The following PRKG1 variants were observed in gnomAD, a reference collection of about 807,000 sequenced individuals.
The protein encoded by PRKG1 is cGMP-dependent protein kinase 1.
Under a neutral mutation model 88.1 loss-of-function variants are expected in PRKG1, and 35 were observed. That is an observed-to-expected ratio of 0.40 (90% CI 0.30 to 0.53). PRKG1 has a LOEUF of 0.53. PRKG1 is among the 20% of genes least tolerant of loss of function. The pLI is 0.59. For missense variants in PRKG1, 540 were observed against 839.8 expected (o/e 0.64, Z 4.41); for synonymous variants, 303 against 292.5 (o/e 1.04, Z -0.37).
chr10:52,228,993 T>C lies in PRKG1; in HGVS notation c.1077-22577T>C, dbSNP rs967941828. On this transcript the variant is annotated intron_variant, in intron 9 of 17. Transcript: ENST00000373980. ...ATATCCTCAAGTTATATTAATTGCA[T>C]ATTAACAGCATAGCTAATAAACTCA... Among the ~76,000 whole-genome samples the C allele has an allele frequency of 2.6e-5, 4 of 152,218 alleles. No individual in the cohort carries two copies. In the East Asian group the frequency reaches 7.7e-4, roughly 29 times the overall value.
chr10:52,086,709 C>T (rs544375799), intron 7 of PRKG1, among the ~76,000 whole-genome samples: 26 of 152,008 alleles, frequency 1.7e-4, no homozygotes, highest in Middle Eastern at 3.4e-3. Flanking sequence ...GTTTATGTAC[C>T]CTAATTCCCT....
At chr10:51,472,551 T>TG (rs1840075374) in intron 3 of PRKG1, among the ~76,000 whole-genome samples, 1 of 152,094 alleles carries the variant, frequency 6.6e-6, no homozygotes, top group East Asian at 1.9e-4. Context: ...GAGTCATTGA[T>TG]GAAGTTCTTA....
intron 5 of PRKG1, among the ~76,000 whole-genome samples, chr10:52,040,128 G>A (rs541989913): frequency 1.8e-4 from 27 of 152,256 alleles, no homozygotes; most frequent in Middle Eastern, 3.4e-3. Flanking sequence ...CAAAGAGAAA[G>A]GTTAAGTGTT....
chr10:51,126,475 A>G (rs117015926), intron 1 of PRKG1, among the ~76,000 whole-genome samples: 1,921 of 142,756 alleles, frequency 0.013, 16 homozygotes, highest in Middle Eastern at 0.034. Flanking sequence ...TTATAATTAT[A>G]TAATCTATTT....
intron 1 of PRKG1, among the ~76,000 whole-genome samples, chr10:51,084,147 G>A (rs915944557): frequency 1.3e-5 from 2 of 152,144 alleles, no homozygotes; most frequent in African/African-American, 4.8e-5. Flanking sequence ...CATTAATTAT[G>A]CAGGGAAGTT....
intron 3 of PRKG1, chr10:51,695,532 T>C (rs185169340): frequency 2.0e-5 from 3 of 152,340 alleles, no homozygotes; most frequent in Non-Finnish European, 4.4e-5. Context: ...AATGCAGAGA[T>C]TTGACTAAAG....
At chr10:51,351,418 C>G (rs1202828818) in intron 2 of PRKG1, among the ~76,000 whole-genome samples, 1 of 152,150 alleles carries the variant, frequency 6.6e-6, no homozygotes, top group Non-Finnish European at 1.5e-5. Flanking sequence ...TCTCCAGCAT[C>G]TGTTGTTTCC....
At chr10:51,257,751 GA>G (rs759979003) in intron 2 of PRKG1, among the ~76,000 whole-genome samples, 12 of 152,168 alleles carry the variant, frequency 7.9e-5, no homozygotes, top group Middle Eastern at 3.4e-3. Context: ...GGAAAAACTT[GA>G]AACATTCCAC....
intron 3 of PRKG1, among the ~76,000 whole-genome samples, chr10:51,544,970 C>T (rs1188217607): frequency 6.6e-6 from 1 of 151,870 alleles, no homozygotes; most frequent in Non-Finnish European, 1.5e-5. Flanking sequence ...AAATGCAAAT[C>T]AAAACCACAA....
chr10:51,560,858 C>T (rs776567923), intron 3 of PRKG1, among the ~76,000 whole-genome samples: 1 of 151,858 alleles, frequency 6.6e-6, no homozygotes, highest in Non-Finnish European at 1.5e-5. Flanking sequence ...TTTGTATATG[C>T]TATTGTGTTA....
chr10:52,141,638 G>A (rs559260394), intron 8 of PRKG1, among the ~76,000 whole-genome samples: 2 of 152,092 alleles, frequency 1.3e-5, no homozygotes, highest in Non-Finnish European at 2.9e-5. Context: ...ACTTACAAAG[G>A]TTCTCTTTAG....
chr10:52,059,839 CAT>C (rs1317422137), intron 6 of PRKG1, among the ~76,000 whole-genome samples: 9 of 151,816 alleles, frequency 5.9e-5, no homozygotes, highest in African/African-American at 2.2e-4. Context: ...AATACTGTAA[CAT>C]GTAACTAAAA....
At position 52,168,419 on chromosome 10, in the gene PRKG1, G is replaced by A. The variant is rs185561995; in HGVS notation, c.1076+6456G>A. Among the ~76,000 whole-genome samples the A allele has an allele frequency of 1.2e-3, 180 of 152,226 alleles. 1 individual carries two copies. The highest frequency in any genetic ancestry group is 8.5e-4 in the Non-Finnish European group (58 of 67,996). ...TGGGAAGCAACATTATATAGTCAAGGAATTAAAGTAGCAATATGCCTGAGA... is the reference window on the plus strand; with the variant it reads ...TGGGAAGCAACATTATATAGTCAAGAAATTAAAGTAGCAATATGCCTGAGA... On this transcript the variant is annotated intron_variant, in intron 9 of 17. Transcript: ENST00000373980.
At chr10:51,209,581 G>A (rs991730732) in intron 2 of PRKG1, among the ~76,000 whole-genome samples, 1 of 152,028 alleles carries the variant, frequency 6.6e-6, no homozygotes, top group African/African-American at 2.4e-5. Context: ...ACTATTTTTA[G>A]TACTTGAAAA....
At chr10:51,765,438 C>G (rs969389016) in intron 3 of PRKG1, among the ~76,000 whole-genome samples, 1 of 152,116 alleles carries the variant, frequency 6.6e-6, no homozygotes, top group Non-Finnish European at 1.5e-5. Context: ...TTCTAATAAT[C>G]AAATCTTCTA....
At chr10:51,173,040 C>A (rs1228023847) in intron 2 of PRKG1, among the ~76,000 whole-genome samples, 1 of 151,974 alleles carries the variant, frequency 6.6e-6, no homozygotes, top group African/African-American at 2.4e-5. Flanking sequence ...TACAACTCCA[C>A]AAATGATTTG....
intron 5 of PRKG1, among the ~76,000 whole-genome samples, chr10:51,912,543 C>A (rs901185414): frequency 6.6e-6 from 1 of 151,890 alleles, no homozygotes; most frequent in African/African-American, 2.4e-5. Context: ...AACAATACTT[C>A]CAGCAGAAGA....
intron 7 of PRKG1, among the ~76,000 whole-genome samples, chr10:52,090,769 C>A (rs1280487760): frequency 1.3e-5 from 2 of 152,118 alleles, no homozygotes; most frequent in Non-Finnish European, 2.9e-5. Flanking sequence ...ACTTTTATGG[C>A]AGGTTATCAG....
At chr10:51,833,545 C>A (rs1937698) in intron 4 of PRKG1, among the ~76,000 whole-genome samples, 63,069 of 151,920 alleles carry the variant, frequency 0.42, 14,559 homozygotes, top group Middle Eastern at 0.54. Context: ...AAACGTGAAT[C>A]TTTATTTATT....
Sources: gnomAD v4.1 joint callset for allele counts (sites outside exome capture counted in the v4.1 genomes callset) on GRCh38, gnomAD v4.1.1 for gene constraint, MANE v1.5 for transcripts, NCBI Gene and HGNC (gene_info 2026-07-23, HGNC 2026-07-21) for gene names.